VSTM2A: variants seen among roughly 807,000 people sequenced by gnomAD.
The protein encoded by VSTM2A is V-set and transmembrane domain containing 2A.
VSTM2A carries 13 observed loss-of-function variants against 27.3 expected under a neutral mutation model. The observed-to-expected ratio is 0.48, with a 90% confidence interval of 0.31 to 0.76. VSTM2A has a LOEUF of 0.76. Ranked by LOEUF, VSTM2A falls within the 30% of genes least tolerant of loss-of-function variation. The pLI, the probability that VSTM2A is intolerant of heterozygous loss-of-function variation, is 0.05. For missense variants in VSTM2A, 280 were observed against 310.0 expected, an observed-to-expected ratio of 0.90 and a Z score of 0.73; for synonymous variants, 142 against 125.7, an observed-to-expected ratio of 1.13 and a Z score of -0.87.
rs991517330 is a variant in VSTM2A, at chr7:54,554,146, C to A, written c.634+3976C>A. The A allele has an allele frequency of 3.3e-6, 5 of 1,530,230 alleles. No individual in the cohort carries two copies. The African/African-American group carries it at 6.9e-5, about 21-fold the overall frequency. 94.8% of individuals were successfully genotyped at this position (1,530,230 alleles called of 1,614,324 possible). ...CTGGTGTCTCCTGCTTCCAATTCCCCACCCTCTCACATCTCGTCCTTCCCA... is the reference window on the plus strand; with the variant it reads ...CTGGTGTCTCCTGCTTCCAATTCCCAACCCTCTCACATCTCGTCCTTCCCA... On this transcript the variant is annotated intron_variant, in intron 4 of 4. Transcript: ENST00000402613.
intron 4 of VSTM2A, among the ~76,000 whole-genome samples, chr7:54,566,734 T>C (rs1788736205): frequency 6.6e-6 from 1 of 152,194 alleles, no homozygotes; most frequent in Non-Finnish European, 1.5e-5. Flanking sequence ...TGGAAACATG[T>C]GGAAATAGTA....
At chr7:54,553,456 C>A (rs964822) in intron 4 of VSTM2A, among the ~76,000 whole-genome samples, 89,465 of 152,100 alleles carry the variant, frequency 0.59, 26,780 homozygotes, top group South Asian at 0.76. Context: ...CCACTCTCCT[C>A]TGCCCACTTT....
At chr7:54,549,440 G>T (rs1161024938) in intron 3 of VSTM2A, among the ~76,000 whole-genome samples, 1 of 152,222 alleles carries the variant, frequency 6.6e-6, no homozygotes, top group African/African-American at 2.4e-5. Context: ...TTAGTTTATA[G>T]CCCACAGGGA....
intron 4 of VSTM2A, among the ~76,000 whole-genome samples, chr7:54,562,934 C>T (rs1278634988): frequency 6.6e-6 from 1 of 152,188 alleles, no homozygotes; most frequent in African/African-American, 2.4e-5. Flanking sequence ...CATTTTTAAA[C>T]TCTGTGACTA....
intron 4 of VSTM2A, among the ~76,000 whole-genome samples, chr7:54,555,163 C>T (rs561490673): frequency 3.3e-5 from 5 of 152,290 alleles, no homozygotes; most frequent in South Asian, 2.1e-4. Flanking sequence ...TGAGAAGCTG[C>T]GTCTTTTCTG....
At chr7:54,544,809 C>G (rs1410396084) in intron 2 of VSTM2A, 21 bp downstream of exon 2, 19 of 1,580,162 alleles carry the variant, frequency 1.2e-5, no homozygotes, top group Non-Finnish European at 6.0e-6. Context: ...CCGCCGACCC[C>G]GCGTCTCCCC....
chr7:54,546,515 G>GCCGCCCCACCCCTGGCGCCCGC (rs1263177921), intron 2 of VSTM2A, among the ~76,000 whole-genome samples: 12 of 150,938 alleles, frequency 8.0e-5, no homozygotes, highest in Admixed American at 4.6e-4. Context: ...ACTCACGCCG[G>GCCGCCCCACCCCTGGCGCCCGC]CCGCCCCACC....
intron 2 of VSTM2A, chr7:54,546,355 G>A (rs905017167): frequency 6.2e-6 from 1 of 160,234 alleles, no homozygotes; most frequent in Non-Finnish European, 1.4e-5. Context: ...GAGGGGAAGG[G>A]GGTCCGGGCG....
In VSTM2A at chr7:54,544,865, G is replaced by A. The variant is rs558171137; in HGVS notation, c.246+77G>A. On this transcript the variant is annotated intron_variant, in intron 2 of 4. Coordinates refer to ENST00000402613, the MANE Select transcript of VSTM2A (RefSeq NM_001301009.2). ...GGTGTCCGGCCCGGGGCTGGGGGCC[G>A]AGGTGCTGCCTGGACACCCCTGGGG... 5 of 1,472,612 alleles carry A rather than the reference G, an allele frequency of 3.4e-6. No individual in the cohort carries two copies. In the Admixed American group the frequency reaches 7.3e-5, roughly 22 times the overall value. 91.2% of individuals were successfully genotyped at this position (1,472,612 alleles called of 1,614,324 possible). A position where few individuals can be genotyped will look rare whatever the true frequency, so the allele number is the denominator to read the frequency against.
In VSTM2A at chr7:54,550,054, G is replaced by T. The variant is rs1043573913; in HGVS notation, c.518G>T (p.Arg173Leu). The change falls in exon 4 of 5, where the codon CGC (arginine) becomes CTC (leucine). Residue 173 changes from arginine (R) to leucine (L), a missense_variant. Arg to Leu is a moderately radical substitution (Grantham distance 102, BLOSUM62 -2). Transcript: ENST00000402613. ...ATGTGGCTGCAGGATATGAAGCCCC[G>T]CAAGAACGTCTCCGCAGCCATCCCC... The part of the protein sequence containing the change: ...SPMWLQDMKP[R>L]KNVSAAIPSS... 1 of 1,609,106 alleles carries T rather than the reference G, an allele frequency of 6.2e-7. No individual in the cohort carries two copies. Among genetic ancestry groups the T allele is most frequent in the Non-Finnish European group, 8.5e-7 (1 of 1,177,814 alleles).
rs1013192726 is a variant in VSTM2A, at chr7:54,542,392, C to T, written c.-339C>T. 3 of 365,310 alleles carry T rather than the reference C, an allele frequency of 8.2e-6. No homozygotes were observed. Among genetic ancestry groups the T allele is most frequent in the East Asian group, 5.3e-5 (1 of 19,024 alleles). The allele number at this position is 365,310 out of a possible 1,614,324, so 22.6% of individuals were successfully genotyped here. A position where few individuals can be genotyped will look rare whatever the true frequency, so the allele number is the denominator to read the frequency against. ...CACTCCCCACTTCCCGAGCCGGCTC[C>T]GTGTTTAGGGAGGGCAGTGATCACG... is the stretch of plus-strand genomic sequence containing the variant. On this transcript the variant is annotated 5_prime_UTR_variant, in exon 1 of 5. Transcript: ENST00000402613.
chr7:54,569,985 G>T lies in VSTM2A; in HGVS notation c.*766G>T, dbSNP rs76381768. ...ACCAACTTTTTTTGACGAAGCATTT[G>T]TTTTTCGTTGATAATTCATACACTG... On this transcript the variant is annotated 3_prime_UTR_variant, in exon 5 of 5. Transcript: ENST00000402613. 1 of 151,958 alleles carries T rather than the reference G, an allele frequency of 6.6e-6. No homozygotes were observed. Among genetic ancestry groups the T allele is most frequent in the East Asian group, 1.9e-4 (1 of 5,186 alleles). The allele number at this position is 151,958 out of a possible 1,614,324, so 9.4% of individuals were successfully genotyped here.
rs183762729 is a variant in VSTM2A at position 54,567,524 on chromosome 7, A to T, written c.635-1607A>T. 5.6e-3 allele frequency among the ~76,000 whole-genome samples: 848 copies of T among 152,318 alleles called. 3 individuals carry two copies. The highest frequency in any genetic ancestry group is 8.3e-3 in the Non-Finnish European group (566 of 68,034). On this transcript the variant is annotated intron_variant, in intron 4 of 4. Transcript: ENST00000402613. ...GTCAGCCATGTCCTATGAAGGGTTG[A>T]TTAATTAAGAAAGGGATGACATAAA...
In VSTM2A at chr7:54,549,932, C is replaced by T; in HGVS notation, c.396C>T (p.Ala132=). 6.2e-7 allele frequency: 1 copy of T among 1,613,768 alleles called. No homozygotes were observed. The highest frequency in any genetic ancestry group is 1.1e-5 in the South Asian group (1 of 90,994). ...TATATGAGTGCAGGGTGACTGATGC[C>T]AACTACGGGGAGCTTCAGGAACACA... is the stretch of plus-strand genomic sequence containing the variant. ...EGLYECRVTD[A]NYGELQEHKA... The change falls in exon 4 of 5, where the codon GCC becomes GCT. Residue 132 remains alanine (A), a synonymous_variant. Coordinates refer to ENST00000402613, the MANE Select transcript of VSTM2A (RefSeq NM_001301009.2).
At chr7:54,565,466 G>T (rs1356824691) in intron 4 of VSTM2A, among the ~76,000 whole-genome samples, 1 of 152,200 alleles carries the variant, frequency 6.6e-6, no homozygotes, top group African/African-American at 2.4e-5. Context: ...TGCAGATGCA[G>T]GGAAAAAATG....
chr7:54,543,478 C>G (rs1273530960), intron 1 of VSTM2A, among the ~76,000 whole-genome samples: 1 of 152,016 alleles, frequency 6.6e-6, no homozygotes, highest in Non-Finnish European at 1.5e-5. Context: ...AGCCCTTTTC[C>G]GATCAGAATG....
intron 1 of VSTM2A, among the ~76,000 whole-genome samples, chr7:54,543,737 G>A (rs1009402068): frequency 6.6e-6 from 1 of 152,106 alleles, no homozygotes. Flanking sequence ...ACTGCTTTTA[G>A]GGAACCATCA....
Position 54,569,114 on chromosome 7 carries a change from A to G in VSTM2A, c.635-17A>G. The G allele has an allele frequency of 1.3e-6, 2 of 1,584,860 alleles. No homozygotes were observed. The highest frequency in any genetic ancestry group is 1.3e-5 in the African/African-American group (1 of 74,640). On this transcript the variant is annotated splice_polypyrimidine_tract_variant and intron_variant, in intron 4 of 4. Transcript: ENST00000402613. ...AAAGTGCTGACTTTTTTCCAATATC[A>G]CTTTCTCTTCTTAAAGCAAAGAGCA... is the stretch of plus-strand genomic sequence containing the variant.
chr7:54,545,332 A>T (rs965757948), intron 2 of VSTM2A, among the ~76,000 whole-genome samples: 2 of 147,726 alleles, frequency 1.4e-5, no homozygotes, highest in Non-Finnish European at 3.0e-5. Flanking sequence ...TGGAGGAGGG[A>T]GAGAAGGAGA....
Sources: allele counts gnomAD v4.1 joint callset (sites outside exome capture counted in the v4.1 genomes callset), GRCh38; gene constraint gnomAD v4.1.1; transcripts MANE v1.5; gene names NCBI Gene and HGNC (gene_info 2026-07-23, HGNC 2026-07-21).